Variants in MAP4K4 observed in about 807,000 individuals in gnomAD.
MAP4K4 encodes the protein mitogen-activated protein kinase kinase kinase kinase 4, also known as HPK/GCK-like kinase HGK.
Under a neutral mutation model 189.6 loss-of-function variants are expected in MAP4K4, and 38 were observed. That is an observed-to-expected ratio of 0.20 (90% confidence interval 0.15 to 0.26). The LOEUF is 0.26. Among genes scored for constraint, MAP4K4 ranks in the 10% least tolerant of loss-of-function variants. MAP4K4 has a pLI of 1.00. For synonymous variants in MAP4K4, 610 were observed against 624.3 expected (o/e 0.98, Z 0.34); for missense variants, 1,054 against 1,726.9 (o/e 0.61, Z 6.91).
chr2:101,844,465 G>A (rs186532001), intron 12 of MAP4K4, among the ~76,000 whole-genome samples, 154 bp downstream of exon 12: 21 of 152,342 alleles, frequency 1.4e-4, no homozygotes, highest in East Asian at 1.3e-3. Flanking sequence ...GAAAGCTTAC[G>A]CTTTGGACTG....
At chr2:101,746,037 C>G (rs1011323738) in intron 2 of MAP4K4, among the ~76,000 whole-genome samples, 2 of 151,592 alleles carry the variant, frequency 1.3e-5, no homozygotes, top group South Asian at 4.2e-4. Flanking sequence ...GTCACACAAG[C>G]TGGAATACAG....
intron 2 of MAP4K4, among the ~76,000 whole-genome samples, chr2:101,747,649 C>T (rs1202450841): frequency 6.6e-6 from 1 of 152,208 alleles, no homozygotes; most frequent in Non-Finnish European, 1.5e-5. Flanking sequence ...CATGTCCCAA[C>T]AGCCTTATTT....
intron 10 of MAP4K4, among the ~76,000 whole-genome samples, chr2:101,841,970 T>A (rs544464381): frequency 3.5e-4 from 53 of 152,308 alleles, no homozygotes; most frequent in Non-Finnish European, 6.8e-4. Context: ...AAATGAGTTA[T>A]TGATGTTGAA....
chr2:101,807,224 A>AT (rs985151042), intron 3 of MAP4K4, among the ~76,000 whole-genome samples: 24 of 151,260 alleles, frequency 1.6e-4, no homozygotes, highest in African/African-American at 5.8e-4. Flanking sequence ...CTAATTTTTT[A>AT]TTTTTTAATT....
chr2:101,803,034 C>T (rs985954392), intron 3 of MAP4K4, among the ~76,000 whole-genome samples: 8 of 152,220 alleles, frequency 5.3e-5, no homozygotes, highest in Non-Finnish European at 1.0e-4. Context: ...GATCCGCCCA[C>T]CTCAGCCTCC....
chr2:101,826,198 A>G (rs1012786857), intron 5 of MAP4K4, among the ~76,000 whole-genome samples: 3 of 152,300 alleles, frequency 2.0e-5, no homozygotes, highest in East Asian at 3.9e-4. Flanking sequence ...TTGAAGCCCA[A>G]TTCTTAGGCT....
intron 2 of MAP4K4, among the ~76,000 whole-genome samples, chr2:101,722,701 A>C (rs2052885965): frequency 6.6e-6 from 1 of 152,196 alleles, no homozygotes; most frequent in South Asian, 2.1e-4. Flanking sequence ...ATGTAACTTT[A>C]CTAGAGGTCA....
At chr2:101,750,807 C>CA (rs1191039907) in intron 2 of MAP4K4, among the ~76,000 whole-genome samples, 1 of 146,530 alleles carries the variant, frequency 6.8e-6, no homozygotes, top group African/African-American at 2.5e-5. Flanking sequence ...GCCTGGGTGA[C>CA]AGAGTAAGAC....
At chr2:101,723,016 C>T (rs975798778) in intron 2 of MAP4K4, among the ~76,000 whole-genome samples, 1 of 152,116 alleles carries the variant, frequency 6.6e-6, no homozygotes, top group Non-Finnish European at 1.5e-5. Context: ...AAAATCATGG[C>T]GGAAGGCAAA....
At chr2:101,755,929 CTTTTTTTTTTTTT>C (rs57392183) in intron 2 of MAP4K4, among the ~76,000 whole-genome samples, 12 of 57,744 alleles carry the variant, frequency 2.1e-4, no homozygotes, top group East Asian at 6.5e-4. Context: ...AGTTCTTTTT[CTTTTTTTTTTTTT>C]TTTTTTTTTT....
intron 2 of MAP4K4, among the ~76,000 whole-genome samples, chr2:101,759,803 T>C (rs1374898619): frequency 2.8e-5 from 3 of 106,058 alleles, no homozygotes; most frequent in South Asian, 3.9e-4. Flanking sequence ...TCCCTTCCCT[T>C]CCCTCCCCTT....
At chr2:101,851,724 C>CTTTTTTTTTTTTTTTTTTTTTTTTTTTT (rs36217584) in intron 12 of MAP4K4, among the ~76,000 whole-genome samples, 7 of 67,912 alleles carry the variant, frequency 1.0e-4, no homozygotes, top group Admixed American at 2.2e-4. Flanking sequence ...TAACTGTCCT[C>CTTTTTTTTTTTTTTTTTTTTTTTTTTTT]TTTTTTTTTT....
chr2:101,768,061 T>C (rs1168298474), intron 2 of MAP4K4, among the ~76,000 whole-genome samples: 1 of 152,230 alleles, frequency 6.6e-6, no homozygotes, highest in Non-Finnish European at 1.5e-5. Context: ...TGTACTTATT[T>C]GTATACTTCC....
chr2:101,862,631 T>A lies in MAP4K4; in HGVS notation c.1867-1190T>A, dbSNP rs1053946188. Among the ~76,000 whole-genome samples, 6 of 152,366 alleles carry A rather than the reference T, an allele frequency of 3.9e-5. No homozygotes were observed. In the South Asian group the frequency reaches 8.3e-4, roughly 21 times the overall value. On this transcript the variant is annotated intron_variant, in intron 16 of 32. Transcript: ENST00000324219. The stretch of plus-strand genomic sequence containing the variant: ...ATTTGTTATGAATTTGTGTAGTAAC[T>A]AGAAAGAGTCTCCCATTTCCTCCTC...
intron 2 of MAP4K4, among the ~76,000 whole-genome samples, chr2:101,706,991 G>GT (rs2042657362): frequency 6.6e-6 from 1 of 152,120 alleles, no homozygotes; most frequent in African/African-American, 2.4e-5. Flanking sequence ...GACTGTGTAA[G>GT]GCAGAGAAAG....
At chr2:101,839,170 GT>G (rs1345472243) in intron 9 of MAP4K4, among the ~76,000 whole-genome samples, 1 of 152,218 alleles carries the variant, frequency 6.6e-6, no homozygotes, top group Non-Finnish European at 1.5e-5. Flanking sequence ...TAGGGCCATG[GT>G]CCTCATGAGC....
intron 32 of MAP4K4, among the ~76,000 whole-genome samples, chr2:101,889,894 C>T (rs2150348337): frequency 6.6e-6 from 1 of 152,318 alleles, no homozygotes; most frequent in African/African-American, 2.4e-5. Flanking sequence ...CACCTCTACC[C>T]ACTGTCTTCT....
At chr2:101,857,710 C>T (rs1049793585) in intron 13 of MAP4K4, among the ~76,000 whole-genome samples, 2 of 152,094 alleles carry the variant, frequency 1.3e-5, no homozygotes, top group African/African-American at 4.8e-5. Flanking sequence ...GTCCGCCCCA[C>T]CCCTCTGCCC....
intron 3 of MAP4K4, among the ~76,000 whole-genome samples, chr2:101,820,576 CTT>C (rs199646237): frequency 0.014 from 2,089 of 152,288 alleles, 52 homozygotes; most frequent in African/African-American, 0.047. Flanking sequence ...GGATGTTTGG[CTT>C]TTTAGAGCAC....
Sources: allele counts gnomAD v4.1 joint callset (sites outside exome capture counted in the v4.1 genomes callset), GRCh38; gene constraint gnomAD v4.1.1; transcripts MANE v1.5; gene names NCBI Gene and HGNC (gene_info 2026-07-23, HGNC 2026-07-21).